The following KCTD16 variants were observed in gnomAD, a reference collection of about 807,000 sequenced individuals.
The protein encoded by KCTD16 is potassium channel tetramerization domain containing 16, also known as BTB/POZ domain-containing protein KCTD16.
KCTD16 carries 13 observed loss-of-function variants against 33.2 expected under a neutral mutation model. That is an observed-to-expected ratio of 0.39 (90% CI 0.25 to 0.62). The LOEUF (loss-of-function observed/expected upper bound fraction) is 0.62, where lower values mean the gene tolerates loss of function less well. KCTD16 is among the 20% of genes least tolerant of loss of function. KCTD16 has a pLI of 0.50. For synonymous variants in KCTD16, 197 were observed against 195.3 expected, an observed-to-expected ratio of 1.01 and a Z score of -0.07; for missense variants, 441 against 525.1, an observed-to-expected ratio of 0.84 and a Z score of 1.57.
chr5:144,298,006 T>C (rs1320307473), intron 3 of KCTD16, among the ~76,000 whole-genome samples: 1 of 152,200 alleles, frequency 6.6e-6, no homozygotes, highest in African/African-American at 2.4e-5. Context: ...CGGCAGGGTG[T>C]CCGCTGTGCT....
chr5:144,388,073 T>G (rs1040629156), intron 3 of KCTD16, among the ~76,000 whole-genome samples: 1 of 97,856 alleles, frequency 1.0e-5, no homozygotes, highest in East Asian at 2.3e-4. Flanking sequence ...AAGTTTTTTT[T>G]TTTTTTTTTT....
chr5:144,452,280 A>G lies in KCTD16; in HGVS notation c.833-21380A>G, dbSNP rs73299634. Among the ~76,000 whole-genome samples the G allele has an allele frequency of 6.5e-3, 984 of 151,828 alleles. 9 individuals carry two copies. Among genetic ancestry groups the G allele is most frequent in the African/African-American group, 0.023 (931 of 41,318 alleles). Reference sequence around the variant, plus strand: ...CCCAGGATAATCTATGTTTGAACATACTATGTAAAATTTAACCAATTTTAA... The same window carrying G: ...CCCAGGATAATCTATGTTTGAACATGCTATGTAAAATTTAACCAATTTTAA... On this transcript the variant is annotated intron_variant, in intron 3 of 3. Coordinates refer to ENST00000512467, the MANE Select transcript of KCTD16 (RefSeq NM_020768.4).
intron 3 of KCTD16, among the ~76,000 whole-genome samples, chr5:144,318,426 G>A (rs908994925): frequency 6.6e-6 from 1 of 152,120 alleles, no homozygotes; most frequent in Non-Finnish European, 1.5e-5. Context: ...AAACGTATGG[G>A]TTTATTTCAT....
chr5:144,258,484 G>A (rs572575292), intron 3 of KCTD16, among the ~76,000 whole-genome samples: 1 of 152,182 alleles, frequency 6.6e-6, no homozygotes, highest in Non-Finnish European at 1.5e-5. Flanking sequence ...ACAATGTTTA[G>A]TGTGGTTAAA....
intron 3 of KCTD16, among the ~76,000 whole-genome samples, chr5:144,417,172 C>T (rs1477042550): frequency 6.6e-6 from 1 of 152,142 alleles, no homozygotes; most frequent in Non-Finnish European, 1.5e-5. Context: ...TGAGGAACCA[C>T]CAAATTGTTT....
intron 3 of KCTD16, among the ~76,000 whole-genome samples, chr5:144,293,294 C>T (rs1755946096): frequency 6.6e-6 from 1 of 152,212 alleles, no homozygotes; most frequent in Non-Finnish European, 1.5e-5. Context: ...TGGAAATCCT[C>T]AAACCTCTGA....
intron 3 of KCTD16, among the ~76,000 whole-genome samples, chr5:144,458,805 A>G (rs751340172): frequency 5.9e-5 from 9 of 152,208 alleles, no homozygotes; most frequent in Non-Finnish European, 1.0e-4. Flanking sequence ...TTGCATTTCA[A>G]TGTATTTGCA....
At chr5:144,398,706 A>ACTCTCTCTCTCT (rs202105888) in intron 3 of KCTD16, among the ~76,000 whole-genome samples, 4 of 146,578 alleles carry the variant, frequency 2.7e-5, no homozygotes, top group African/African-American at 1.1e-4. Flanking sequence ...ACACACACAC[A>ACTCTCTCTCTCT]CACTCTCTCT....
chr5:144,321,014 C>T (rs1752059034), intron 3 of KCTD16, among the ~76,000 whole-genome samples: 1 of 152,072 alleles, frequency 6.6e-6, no homozygotes, highest in Non-Finnish European at 1.5e-5. Flanking sequence ...TGCCACCACA[C>T]TTGGGTAATT....
At chr5:144,426,938 A>G (rs1444814530) in intron 3 of KCTD16, among the ~76,000 whole-genome samples, 1 of 152,198 alleles carries the variant, frequency 6.6e-6, no homozygotes, top group African/African-American at 2.4e-5. Context: ...TGAGTTTTGG[A>G]GAACACATTC....
intron 3 of KCTD16, among the ~76,000 whole-genome samples, chr5:144,453,141 AG>A (rs1418747261): frequency 6.6e-6 from 1 of 152,132 alleles, no homozygotes; most frequent in Admixed American, 6.5e-5. Context: ...TCCTGGGCAG[AG>A]GGTGAAGGGC....
At chr5:144,298,229 T>A (rs1756102332) in intron 3 of KCTD16, among the ~76,000 whole-genome samples, 1 of 151,486 alleles carries the variant, frequency 6.6e-6, no homozygotes. Context: ...AGGCCAAGAG[T>A]CCCAGGTCAG....
At chr5:144,344,209 C>T (rs1752722185) in intron 3 of KCTD16, among the ~76,000 whole-genome samples, 1 of 152,078 alleles carries the variant, frequency 6.6e-6, no homozygotes, top group Non-Finnish European at 1.5e-5. Flanking sequence ...AAAATTAATT[C>T]AAGATGGATT....
chr5:144,211,158 T>C, intron 3 of KCTD16, among the ~76,000 whole-genome samples: 1 of 151,932 alleles, frequency 6.6e-6, no homozygotes, highest in East Asian at 1.9e-4. Context: ...AAAAAGTAGA[T>C]CAAGAAATTA....
At chr5:144,186,785 G>C (rs922998892) in intron 2 of KCTD16, among the ~76,000 whole-genome samples, 1 of 152,128 alleles carries the variant, frequency 6.6e-6, no homozygotes, top group African/African-American at 2.4e-5. Context: ...TGTAACATTA[G>C]CTGTGTAGCT....
At chr5:144,399,118 T>A (rs2126944684) in intron 3 of KCTD16, among the ~76,000 whole-genome samples, 1 of 152,314 alleles carries the variant, frequency 6.6e-6, no homozygotes, top group Non-Finnish European at 1.5e-5. Flanking sequence ...CTCTTGGTAC[T>A]AGAAGGAATC....
intron 3 of KCTD16, among the ~76,000 whole-genome samples, chr5:144,356,802 C>T (rs755154268): frequency 2.0e-5 from 3 of 152,080 alleles, no homozygotes; most frequent in East Asian, 3.8e-4. Flanking sequence ...GCTCCCCTCC[C>T]GCTTTTCCCC....
chr5:144,343,255 A>C (rs1481585771), intron 3 of KCTD16, among the ~76,000 whole-genome samples: 2 of 152,022 alleles, frequency 1.3e-5, no homozygotes, highest in Non-Finnish European at 2.9e-5. Context: ...ACAATTTCAG[A>C]GCCTGTTATT....
In KCTD16 at chr5:144,418,259, C is replaced by G. The variant is rs142182189; in HGVS notation, c.833-55401C>G. Among the ~76,000 whole-genome samples the G allele has an allele frequency of 3.4e-3, 524 of 152,174 alleles. 5 individuals carry two copies. Among genetic ancestry groups the G allele is most frequent in the Non-Finnish European group, 5.7e-3 (390 of 68,002 alleles). On this transcript the variant is annotated intron_variant, in intron 3 of 3. Transcript: ENST00000512467. ...GAGCAAAAGAACAAGGCTTCCACAG[C>G]GTGGAAGGAGACCGAGTGGGTTGCC...
Sources: gnomAD v4.1 joint callset for allele counts (sites outside exome capture counted in the v4.1 genomes callset) on GRCh38, gnomAD v4.1.1 for gene constraint, MANE v1.5 for transcripts, NCBI Gene and HGNC (gene_info 2026-07-23, HGNC 2026-07-21) for gene names.